Variants in RNF212B observed in about 807,000 individuals in gnomAD.
RNF212B encodes E3 ubiquitin-protein ligase RNF212B.
Under a neutral mutation model 55.5 loss-of-function variants are expected in RNF212B, and 52 were observed. The ratio of observed to expected loss-of-function variants is 0.94; its 90% CI spans 0.75 to 1.18. RNF212B has a LOEUF of 1.18. RNF212B is among the 50% of genes most tolerant of loss of function. The pLI is 0.00. For synonymous variants in RNF212B, 99 were observed against 121.4 expected (o/e 0.82, Z 1.21); for missense variants, 289 against 350.4 (o/e 0.82, Z 1.40).
chr14:23,266,115 T>A (rs1484357192), intron 11 of RNF212B, among the ~76,000 whole-genome samples: 2 of 151,810 alleles, frequency 1.3e-5, no homozygotes, highest in Non-Finnish European at 2.9e-5. Context: ...CGTGCCACCA[T>A]GCTTGGCAAA....
At chr14:23,200,025 A>T (rs964498812) in intron 2 of RNF212B, among the ~76,000 whole-genome samples, 12 of 151,938 alleles carry the variant, frequency 7.9e-5, no homozygotes, top group African/African-American at 2.9e-4. Context: ...ATTAAAAAAA[A>T]AAAAATTAGG....
chr14:23,189,488 T>C (rs931404140), intron 1 of RNF212B, among the ~76,000 whole-genome samples: 3 of 152,140 alleles, frequency 2.0e-5, no homozygotes, highest in African/African-American at 7.2e-5. Context: ...AGCATACAGA[T>C]GTGCTGTAAT....
chr14:23,262,583 C>A, intron 7 of RNF212B, 82 bp from the exon 8 acceptor site: 1 of 1,183,410 alleles, frequency 8.5e-7, no homozygotes, highest in Non-Finnish European at 1.2e-6. Flanking sequence ...ATTCTATAAA[C>A]AATGATCTGA....
intron 11 of RNF212B, among the ~76,000 whole-genome samples, chr14:23,265,670 T>A (rs1027067815): frequency 7.2e-5 from 11 of 152,354 alleles, no homozygotes; most frequent in Middle Eastern, 3.4e-3. Flanking sequence ...ATTCTTAATT[T>A]TAGTAATTTG....
intron 9 of RNF212B, among the ~76,000 whole-genome samples, chr14:23,263,357 G>A (rs1233084792): frequency 1.3e-5 from 2 of 152,066 alleles, no homozygotes; most frequent in African/African-American, 4.8e-5. Context: ...TGACTTTCAG[G>A]GAATGAAATG....
At chr14:23,244,808 T>C (rs925597609) in intron 4 of RNF212B, among the ~76,000 whole-genome samples, 1 of 152,174 alleles carries the variant, frequency 6.6e-6, no homozygotes, top group African/African-American at 2.4e-5. Context: ...TTTACGAGAG[T>C]ATTTCTTGTT....
rs914696204 is a variant in RNF212B at position 23,264,181 on chromosome 14, T to C, written c.532T>C (p.Ser178Pro). The C allele has an allele frequency of 3.2e-6, 5 of 1,549,480 alleles. No individual in the cohort carries two copies. The Admixed American group carries it at 9.8e-5, about 30-fold the overall frequency. ...TTGTTTCACCTTATACAGTCGGTCCTCCTCAGCGGAATCTATTCCTTATAG... is the reference window on the plus strand; with the variant it reads ...TTGTTTCACCTTATACAGTCGGTCCCCCTCAGCGGAATCTATTCCTTATAG... ...QHSSQVVSRS[S>P]SAESIPYREA... Residue 178 changes from serine to proline, a missense_variant, in exon 10 of 15, where the codon TCC becomes CCC. Ser to Pro is a moderately conservative substitution (Grantham distance 74). Coordinates refer to ENST00000430154, the MANE Select transcript of RNF212B (RefSeq NM_001282322.3).
rs537598140 is a variant in RNF212B at position 23,269,033 on chromosome 14, G to A, written c.674+70G>A. The A allele has an allele frequency of 2.5e-4, 330 of 1,294,206 alleles. 2 individuals are homozygous for A. The South Asian group carries it at 3.9e-3, about 15-fold the overall frequency. The allele number at this position is 1,294,206 out of a possible 1,614,324, so 80.2% of individuals were successfully genotyped here. A position where few individuals can be genotyped will look rare whatever the true frequency, so the allele number is the denominator to read the frequency against. ...TAAACTCTGCCAGCAGGCTGGGTGC[G>A]GTGGCTCACGCCTGTAATCCCAGCA... On this transcript the variant is annotated intron_variant, in intron 12 of 14. Coordinates refer to ENST00000430154, the MANE Select transcript of RNF212B (RefSeq NM_001282322.3).
intron 2 of RNF212B, among the ~76,000 whole-genome samples, chr14:23,207,621 G>A (rs1879977566): frequency 6.6e-6 from 1 of 152,180 alleles, no homozygotes; most frequent in Non-Finnish European, 1.5e-5. Flanking sequence ...AGCACAGATA[G>A]GAGATTTGTC....
At chr14:23,233,309 C>T (rs1461396140), upstream of RNF212B, among the ~76,000 whole-genome samples, 1 of 151,850 alleles carries the variant, frequency 6.6e-6, no homozygotes, top group Non-Finnish European at 1.5e-5. Flanking sequence ...AACCAGAGAC[C>T]TTTGTTCACA....
At chr14:23,188,878 T>C (rs531079241) in intron 1 of RNF212B, among the ~76,000 whole-genome samples, 5 of 152,314 alleles carry the variant, frequency 3.3e-5, no homozygotes, top group African/African-American at 1.2e-4. Context: ...ATAAATATGA[T>C]TGATTGAATG....
At chr14:23,232,494 C>T (rs1882740011) in intron 2 of RNF212B, among the ~76,000 whole-genome samples, 1 of 152,002 alleles carries the variant, frequency 6.6e-6, no homozygotes, top group African/African-American at 2.4e-5. Context: ...CGGCAGCCGC[C>T]CCGTCTGGGA....
At chr14:23,259,507 G>A (rs1885145025) in intron 5 of RNF212B, 1 of 153,842 alleles carries the variant, frequency 6.5e-6, no homozygotes, top group African/African-American at 2.4e-5. Flanking sequence ...TTCTTTGGGG[G>A]CTATGTTAAT....
At chr14:23,243,719 AGC>A (rs113220943) in intron 3 of RNF212B, among the ~76,000 whole-genome samples, 5,318 of 96,368 alleles carry the variant, frequency 0.055, 547 homozygotes, top group Non-Finnish European at 0.08. Flanking sequence ...AAAAAAAAAA[AGC>A]AAGCAAGCAA....
intron 2 of RNF212B, among the ~76,000 whole-genome samples, chr14:23,195,571 A>G (rs1028016350): frequency 6.6e-6 from 1 of 152,028 alleles, no homozygotes; most frequent in East Asian, 1.9e-4. Flanking sequence ...ATTCTCCCCT[A>G]CTTCATGCAC....
intron 9 of RNF212B, 135 bp from the exon 10 acceptor site, chr14:23,264,039 G>A: frequency 1.6e-6 from 1 of 624,054 alleles, no homozygotes. Flanking sequence ...AGTGAGCTAA[G>A]CTTGTGCCAT....
chr14:23,213,336 G>C (rs751599565), intron 2 of RNF212B, among the ~76,000 whole-genome samples: 10 of 151,510 alleles, frequency 6.6e-5, no homozygotes. Flanking sequence ...ATTATAAAAC[G>C]TTACTGAGAG....
chr14:23,254,838 T>C (rs7150714), intron 4 of RNF212B, among the ~76,000 whole-genome samples: 34,897 of 152,196 alleles, frequency 0.23, 4,251 homozygotes, highest in African/African-American at 0.32. Flanking sequence ...ATTTCTCCTT[T>C]ACTCTTTCCA....
intron 13 of RNF212B, 70 bp from the exon 14 acceptor site, chr14:23,270,530 G>T: frequency 9.3e-7 from 1 of 1,070,466 alleles, no homozygotes. Context: ...TCATTACCCT[G>T]ACCCACAAGT....
Sources: gnomAD v4.1 joint callset for allele counts (sites outside exome capture counted in the v4.1 genomes callset) on GRCh38, gnomAD v4.1.1 for gene constraint, MANE v1.5 for transcripts, NCBI Gene and HGNC (gene_info 2026-07-23, HGNC 2026-07-21) for gene names.